RAP1GAP: variants seen among roughly 807,000 people sequenced by gnomAD.
The protein encoded by RAP1GAP is RAP1 GTPase activating protein, also known as rap1 GTPase-activating protein 1.
A neutral mutation model predicts 87.2 loss-of-function variants in RAP1GAP; 35 were observed. The observed-to-expected ratio is 0.40, with a 90% CI of 0.31 to 0.53. The LOEUF (loss-of-function observed/expected upper bound fraction) is 0.53, where lower values mean the gene tolerates loss of function less well. Among genes scored for constraint, RAP1GAP ranks in the 20% least tolerant of loss-of-function variants. The probability of loss-of-function intolerance (pLI) is 0.48; values close to 1 mark genes in which losing one functional copy is unlikely to be tolerated. For missense variants in RAP1GAP, 734 were observed against 898.9 expected (o/e 0.82, Z 2.35); for synonymous variants, 375 against 363.9 (o/e 1.03, Z -0.35).
chr1:21,610,477 T>C (rs1570628270), intron 13 of RAP1GAP, among the ~76,000 whole-genome samples: 1 of 152,190 alleles, frequency 6.6e-6, no homozygotes, highest in East Asian at 1.9e-4. Flanking sequence ...GTACACTCTT[T>C]AGGTGATGAG....
chr1:21,598,147 C>G, intron 22 of RAP1GAP, 83 bp from the exon 23 acceptor site: 1 of 891,010 alleles, frequency 1.1e-6, no homozygotes, highest in Non-Finnish European at 1.7e-6. Flanking sequence ...GCGGTCGGCA[C>G]CAGTGCGCTC....
chr1:21,652,465 A>C (rs1348449662), intron 1 of RAP1GAP, among the ~76,000 whole-genome samples: 3 of 152,078 alleles, frequency 2.0e-5, no homozygotes, highest in African/African-American at 7.2e-5. Flanking sequence ...CCGCGAACGA[A>C]TGAGTGAATG....
chr1:21,617,983 C>CA lies in RAP1GAP; in HGVS notation c.67-12dup. 1.2e-6 allele frequency: 2 copies of CA among 1,614,106 alleles called. No individual in the cohort carries two copies. The highest frequency in any genetic ancestry group is 1.7e-6 in the Non-Finnish European group (2 of 1,179,996). On this transcript the variant is annotated splice_polypyrimidine_tract_variant and intron_variant, in intron 5 of 24. Coordinates refer to ENST00000374765, the MANE Select transcript of RAP1GAP (RefSeq NM_002885.4). ...GTAGTCCTCCTCTGTCTGCAAAACACAAACAGGGCAAGGGTCTCTCCATCT... is the reference window on the plus strand; with the variant it reads ...GTAGTCCTCCTCTGTCTGCAAAACACAAAACAGGGCAAGGGTCTCTCCATCT...
chr1:21,645,672 G>A (rs2151696985), intron 2 of RAP1GAP, among the ~76,000 whole-genome samples: 1 of 152,244 alleles, frequency 6.6e-6, no homozygotes, highest in Non-Finnish European at 1.5e-5. Context: ...AGGTATAGTG[G>A]CGGCCATGGG....
At chr1:21,665,908 T>C (rs1196120374) in intron 1 of RAP1GAP, among the ~76,000 whole-genome samples, 1 of 152,224 alleles carries the variant, frequency 6.6e-6, no homozygotes, top group Non-Finnish European at 1.5e-5. Context: ...CCCAACTTCC[T>C]TTCCTTATTG....
At chr1:21,604,843 A>AGATGGATGGATG (rs369644872) in intron 18 of RAP1GAP, among the ~76,000 whole-genome samples, 3 of 121,934 alleles carry the variant, frequency 2.5e-5, no homozygotes, top group Middle Eastern at 4.3e-3. Context: ...GGATGGATAG[A>AGATGGATGGATG]GATGGATGGA....
Position 21,603,115 on chromosome 1 carries a change from G to A in RAP1GAP, c.1429-202C>T, listed in dbSNP as rs952833628. On this transcript the variant is annotated intron_variant, in intron 18 of 24. Transcript: ENST00000374765. The surrounding 1 kb of genome is among the most constrained non-coding windows in gnomAD (Gnocchi z 6.0). Reference sequence around the variant, plus strand: ...CCCCAGGAGGGCAAGGGGCTCTCCCGAGCTCACACGGCAGGACTGCACGTC... The same window carrying A: ...CCCCAGGAGGGCAAGGGGCTCTCCCAAGCTCACACGGCAGGACTGCACGTC... 13 of 566,274 alleles carry A rather than the reference G, an allele frequency of 2.3e-5. No homozygotes were observed. The highest frequency in any genetic ancestry group is 1.1e-4 in the African/African-American group (6 of 53,096). The allele number at this position is 566,274 out of a possible 1,614,324, so 35.1% of individuals were successfully genotyped here.
At chr1:21,659,097 G>T (rs1458814772) in intron 1 of RAP1GAP, among the ~76,000 whole-genome samples, 3 of 152,192 alleles carry the variant, frequency 2.0e-5, no homozygotes, top group Non-Finnish European at 2.9e-5. Context: ...TAGAGTCGGG[G>T]TTTTTCCATG....
rs1384544946 is a variant in RAP1GAP at position 21,598,544 on chromosome 1, C to A, written c.1777-42G>T. On this transcript the variant is annotated intron_variant, in intron 21 of 24. Transcript: ENST00000374765. ...AAGAGGGAGGGAGGTTAGCCTATGC[C>A]CTTGGCACTGGCTAGGGCTCCCTCC... The A allele has an allele frequency of 2.0e-6, 3 of 1,515,552 alleles. No individual in the cohort carries two copies. In the Admixed American group the frequency reaches 5.0e-5, roughly 26 times the overall value. The allele number at this position is 1,515,552 out of a possible 1,614,324, so 93.9% of individuals were successfully genotyped here. A position where few individuals can be genotyped will look rare whatever the true frequency, so the allele number is the denominator to read the frequency against.
At chr1:21,639,601 G>A (rs1490517690) in intron 2 of RAP1GAP, among the ~76,000 whole-genome samples, 3 of 152,200 alleles carry the variant, frequency 2.0e-5, no homozygotes, top group Non-Finnish European at 4.4e-5. Context: ...GAGAATGCAC[G>A]TGAAAGTACG....
At chr1:21,650,867 C>T (rs999574506) in intron 1 of RAP1GAP, among the ~76,000 whole-genome samples, 2 of 148,808 alleles carry the variant, frequency 1.3e-5, no homozygotes, top group Non-Finnish European at 3.0e-5. Flanking sequence ...AGAAGTTGAG[C>T]GTCCACAAGG....
intron 5 of RAP1GAP, among the ~76,000 whole-genome samples, chr1:21,618,622 C>G (rs2149732065): frequency 6.6e-6 from 1 of 152,256 alleles, no homozygotes; most frequent in South Asian, 2.1e-4. Context: ...CATAAGTCTC[C>G]TAGGGCCTGA....
intron 2 of RAP1GAP, among the ~76,000 whole-genome samples, chr1:21,641,089 T>G (rs954062560): frequency 5.3e-5 from 8 of 150,894 alleles, no homozygotes; most frequent in Admixed American, 4.0e-4. Flanking sequence ...TTTTTTTTTT[T>G]TTGTATTTTT....
At position 21,613,544 on chromosome 1, in the gene RAP1GAP, G is replaced by A. The variant is rs1198548448; in HGVS notation, c.474+84C>T. On this transcript the variant is annotated intron_variant, in intron 9 of 24. Transcript: ENST00000374765. The surrounding 1 kb of genome is among the most constrained non-coding windows in gnomAD (Gnocchi z 4.7). ...GCCAGGGCTAGGGCCTACAGCTGAAGGGGACGCGCCAAGGCAAGCTGAAGC... is the reference window on the plus strand; with the variant it reads ...GCCAGGGCTAGGGCCTACAGCTGAAAGGGACGCGCCAAGGCAAGCTGAAGC... 2.3e-5 allele frequency: 30 copies of A among 1,289,288 alleles called. No individual in the cohort carries two copies. The highest frequency in any genetic ancestry group is 2.9e-5 in the Non-Finnish European group (26 of 887,646). 79.9% of individuals were successfully genotyped at this position (1,289,288 alleles called of 1,614,324 possible).
Position 21,609,709 on chromosome 1 carries a change from A to G in RAP1GAP, c.1000-63T>C, listed in dbSNP as rs2149263477. ...GGGGTCTGCTCTGCCCCACCCAGCC[A>G]GAAACCCCTACTGTGCCTCCCTGGA... is the stretch of plus-strand genomic sequence containing the variant. On this transcript the variant is annotated intron_variant, in intron 14 of 24. Coordinates refer to ENST00000374765, the MANE Select transcript of RAP1GAP (RefSeq NM_002885.4). This position sits in a 1 kb window ranked among gnomAD's most constrained non-coding sequence, Gnocchi z 4.4. 7.7e-7 allele frequency: 1 copy of G among 1,295,434 alleles called. No individual in the cohort carries two copies. Among genetic ancestry groups the G allele is most frequent in the African/African-American group, 1.5e-5 (1 of 66,564 alleles). The allele number at this position is 1,295,434 out of a possible 1,614,324, so 80.2% of individuals were successfully genotyped here.
chr1:21,642,875 TAC>T (rs61497285), intron 2 of RAP1GAP, among the ~76,000 whole-genome samples: 4,343 of 134,084 alleles, frequency 0.032, 95 homozygotes, highest in African/African-American at 0.072. Flanking sequence ...CCTTCCCCAC[TAC>T]ACACACACAC....
intron 1 of RAP1GAP, among the ~76,000 whole-genome samples, chr1:21,653,887 G>A (rs537894976): frequency 1.3e-3 from 205 of 152,286 alleles, no homozygotes; most frequent in Non-Finnish European, 2.1e-3. Context: ...TGCATGCCCA[G>A]TTGGCAGAGT....
intron 4 of RAP1GAP, among the ~76,000 whole-genome samples, chr1:21,619,352 G>A (rs902017357): frequency 6.6e-6 from 1 of 152,022 alleles, no homozygotes; most frequent in Non-Finnish European, 1.5e-5. Context: ...GCACATGCCG[G>A]TGTGCGAGCT....
chr1:21,627,356 C>T (rs1476039857), intron 2 of RAP1GAP, among the ~76,000 whole-genome samples: 2 of 151,336 alleles, frequency 1.3e-5, no homozygotes, highest in Non-Finnish European at 2.9e-5. Flanking sequence ...GGGAAGGACC[C>T]GAAAAAGTCT....
Sources: allele counts gnomAD v4.1 joint callset (sites outside exome capture counted in the v4.1 genomes callset), GRCh38; gene constraint gnomAD v4.1.1; non-coding constraint Gnocchi (gnomAD v3.1); transcripts MANE v1.5; gene names NCBI Gene and HGNC (gene_info 2026-07-23, HGNC 2026-07-21).